The following MLXIPL variants were observed in gnomAD, a reference collection of about 807,000 sequenced individuals.
The protein encoded by MLXIPL is MLX interacting protein like.
A neutral mutation model predicts 81.5 loss-of-function variants in MLXIPL; 49 were observed. The observed-to-expected ratio is 0.60, with a 90% confidence interval of 0.48 to 0.76. The LOEUF (loss-of-function observed/expected upper bound fraction) is 0.76. Ranked by LOEUF, MLXIPL falls within the 30% of genes least tolerant of loss-of-function variation. MLXIPL has a pLI of 0.00. For missense variants in MLXIPL, 1,053 were observed against 1,167.0 expected (o/e 0.90, Z 1.42); for synonymous variants, 466 against 485.5 (o/e 0.96, Z 0.53).
chr7:73,595,706 A>G lies in MLXIPL; in HGVS notation c.2241T>C (p.Phe747=). 6.2e-7 allele frequency: 1 copy of G among 1,613,968 alleles called. No homozygotes were observed. Among genetic ancestry groups the G allele is most frequent in the Non-Finnish European group, 8.5e-7 (1 of 1,179,898 alleles). Residue 747 remains phenylalanine, a synonymous_variant, in exon 15 of 17, where the codon TTT becomes TTC. Transcript: ENST00000313375. The stretch of plus-strand genomic sequence containing the variant: ...CATCAAACATGTCTCGCATCTGGTC[A>G]AAACGCTGGTGTGTGATGGGTACCC... The part of the protein sequence containing the change: ...ATGVPITHQR[F]DQMRDMFDDY...
At chr7:73,641,398 T>C in the MLXIPL span, among the ~76,000 whole-genome samples, 3 of 152,048 alleles carry the variant, frequency 2.0e-5, no homozygotes, top group African/African-American at 7.2e-5. Context: ...CCTAGCCTCT[T>C]GGGTATGTTG....
intron 2 of MLXIPL, among the ~76,000 whole-genome samples, chr7:73,608,985 T>A (rs1795508848): frequency 6.6e-6 from 1 of 152,064 alleles, no homozygotes; most frequent in East Asian, 1.9e-4. Context: ...ATTTTTAAAT[T>A]TTTTGTAGAG....
At chr7:73,603,712 C>G (rs1795069523) in intron 7 of MLXIPL, among the ~76,000 whole-genome samples, 1 of 152,196 alleles carries the variant, frequency 6.6e-6, no homozygotes, top group Non-Finnish European at 1.5e-5. Context: ...GCACATAGCT[C>G]CGGGGGTCCC....
chr7:73,600,336 T>G (rs1241012602), intron 7 of MLXIPL, among the ~76,000 whole-genome samples: 4 of 30,438 alleles, frequency 1.3e-4, no homozygotes, highest in East Asian at 9.1e-4. Context: ...GAGTGGTGTG[T>G]GGGCAAGAGG....
At chr7:73,608,161 C>A (rs1795451280) in intron 2 of MLXIPL, among the ~76,000 whole-genome samples, 1 of 151,602 alleles carries the variant, frequency 6.6e-6, no homozygotes, top group African/African-American at 2.4e-5. Flanking sequence ...CCAGCCTGAT[C>A]TTCCTCTACA....
intron 15 of MLXIPL, among the ~76,000 whole-genome samples, chr7:73,594,880 C>G (rs1290714946): frequency 7.3e-6 from 1 of 137,460 alleles, no homozygotes; most frequent in Admixed American, 8.0e-5. Context: ...GAGTCTCACT[C>G]TGCTGCCCAG....
chr7:73,605,568 GAC>G, intron 7 of MLXIPL, 118 bp downstream of exon 7: 1 of 849,506 alleles, frequency 1.2e-6, no homozygotes, highest in Admixed American at 2.5e-5. Context: ...TAAATAAAAA[GAC>G]AGAAAAAAAG....
At position 73,597,368 on chromosome 7, in the gene MLXIPL, C is replaced by A; in HGVS notation, c.1417G>T (p.Glu473Ter). The A allele has an allele frequency of 8.4e-7, 1 of 1,183,658 alleles. No individual in the cohort carries two copies. The highest frequency in any genetic ancestry group is 4.2e-5 in the East Asian group (1 of 24,068). The allele number at this position is 1,183,658 out of a possible 1,614,324, so 73.3% of individuals were successfully genotyped here. A position where few individuals can be genotyped will look rare whatever the true frequency, so the allele number is the denominator to read the frequency against. The change falls in exon 9 of 17, where the codon GAG (glutamate) becomes TAG (stop). Residue 473 changes from glutamate (E) to a stop codon, truncating the protein, a stop_gained. Transcript: ENST00000313375. LOFTEE classifies it high-confidence loss of function. The part of the protein sequence containing the change: ...PSPAPTPFPI[E>*]LLPLGYSEPA... ...TCCGAATACCCCAAGGGTAGAAGCTCTATGGGGAAGGGGGTGGGGGCTGGG... is the reference window on the plus strand; with the variant it reads ...TCCGAATACCCCAAGGGTAGAAGCTATATGGGGAAGGGGGTGGGGGCTGGG...
chr7:73,630,800 C>CA, the MLXIPL span, among the ~76,000 whole-genome samples: 1 of 152,114 alleles, frequency 6.6e-6, no homozygotes, highest in African/African-American at 2.4e-5. Flanking sequence ...CCAGTGGAGG[C>CA]AAAATCACTT....
the MLXIPL span, among the ~76,000 whole-genome samples, chr7:73,635,244 A>T: frequency 2.0e-5 from 3 of 150,776 alleles, no homozygotes; most frequent in East Asian, 5.9e-4. Flanking sequence ...TCTGGTCTCA[A>T]CTGAAAATCA....
At chr7:73,594,458 G>A (rs1554593000) in intron 15 of MLXIPL, 55 bp from the exon 16 acceptor site, 2 of 1,598,002 alleles carry the variant, frequency 1.3e-6, no homozygotes, top group African/African-American at 2.7e-5. Flanking sequence ...CACACCACGT[G>A]GAGCCCTGAT....
At chr7:73,595,614 G>A in intron 15 of MLXIPL, 23 bp downstream of exon 15, 1 of 1,614,112 alleles carries the variant, frequency 6.2e-7, no homozygotes, top group African/African-American at 1.3e-5. Context: ...CAGCCCCCCA[G>A]CCATGGGCTT....
At chr7:73,639,062 G>T in the MLXIPL span, among the ~76,000 whole-genome samples, 1 of 152,154 alleles carries the variant, frequency 6.6e-6, no homozygotes, top group African/African-American at 2.4e-5. Flanking sequence ...TGCAGCCTGT[G>T]GTGAGGCTGA....
chr7:73,616,514 G>A (rs531174228), intron 1 of MLXIPL, among the ~76,000 whole-genome samples: 1 of 152,284 alleles, frequency 6.6e-6, no homozygotes, highest in East Asian at 1.9e-4. Context: ...GCTGGCTGGG[G>A]ACAGTGCTCA....
chr7:73,617,800 A>G (rs1796089999), intron 1 of MLXIPL, among the ~76,000 whole-genome samples: 1 of 152,106 alleles, frequency 6.6e-6, no homozygotes, highest in Admixed American at 6.6e-5. Context: ...AGCTATGATC[A>G]CGCCACTGCA....
At chr7:73,618,207 G>T (rs1342931039) in intron 1 of MLXIPL, among the ~76,000 whole-genome samples, 2 of 152,094 alleles carry the variant, frequency 1.3e-5, no homozygotes, top group Admixed American at 1.3e-4. Flanking sequence ...AATGATTCTC[G>T]TGCCTCAGCC....
the MLXIPL span, among the ~76,000 whole-genome samples, chr7:73,634,064 C>T: frequency 6.6e-6 from 1 of 152,172 alleles, no homozygotes; most frequent in African/African-American, 2.4e-5. Context: ...CGAACTGTGT[C>T]TTTAACTGGC....
chr7:73,620,038 G>C (rs1344539483), intron 1 of MLXIPL, among the ~76,000 whole-genome samples: 1 of 152,038 alleles, frequency 6.6e-6, no homozygotes, highest in African/African-American at 2.4e-5. Context: ...GGGAGGCTGA[G>C]GGGAGAGGAT....
rs563363573 is a variant in MLXIPL, at chr7:73,597,318, G to T, written c.1467C>A (p.Ser489=). 870 of 1,560,934 alleles carry T rather than the reference G, an allele frequency of 5.6e-4. 8 individuals are homozygous for T. In the South Asian group the frequency reaches 7.3e-3, roughly 13 times the overall value. The stretch of plus-strand genomic sequence containing the variant: ...GGGCGGGGGGCTTGCCTCTGGGCAT[G>T]GAGAAGCAAGGCCCAAAGGCAGGCT... ...YSEPAFGPCF[S]MPRGKPPAPS... Residue 489 remains serine (S), a synonymous_variant, in exon 9 of 17, where the codon TCC becomes TCA. Coordinates refer to ENST00000313375, the MANE Select transcript of MLXIPL (RefSeq NM_032951.3).
Sources: gnomAD v4.1 joint callset for allele counts (sites outside exome capture counted in the v4.1 genomes callset) on GRCh38, gnomAD v4.1.1 for gene constraint, MANE v1.5 for transcripts, NCBI Gene and HGNC (gene_info 2026-07-23, HGNC 2026-07-21) for gene names.